The following ARHGEF9 variants were observed in gnomAD, a reference collection of about 807,000 sequenced individuals.
The protein encoded by ARHGEF9 is rho guanine nucleotide exchange factor 9.
Under a neutral mutation model 41.3 loss-of-function variants are expected in ARHGEF9, and 2 were observed. That is an observed-to-expected ratio of 0.05 (90% CI 0.02 to 0.15). The LOEUF (loss-of-function observed/expected upper bound fraction) is 0.15, where lower values mean the gene tolerates loss of function less well. Ranked by LOEUF, ARHGEF9 falls within the 10% of genes least tolerant of loss-of-function variation. The pLI is 1.00. For synonymous variants in ARHGEF9, 160 were observed against 154.4 expected (o/e 1.04, Z -0.27); for missense variants, 225 against 424.7 (o/e 0.53, Z 4.13).
At chrX:63,654,693 A>T (rs2048772623) in intron 8 of ARHGEF9, among the ~76,000 whole-genome samples, 1 of 111,873 alleles carries the variant, frequency 8.9e-6, no homozygotes, top group African/African-American at 3.2e-5. Flanking sequence ...TTGAGCTTTC[A>T]GGCCTTCTAA....
At chrX:63,710,371 T>C (rs1408010065) in intron 2 of ARHGEF9, among the ~76,000 whole-genome samples, 1 of 74,946 alleles carries the variant, frequency 1.3e-5, no homozygotes, top group Non-Finnish European at 2.5e-5. Context: ...ATTTAAAAAA[T>C]AACTAACATC....
chrX:63,725,022 T>C, intron 1 of ARHGEF9: 1 of 286,348 alleles, frequency 3.5e-6, no homozygotes, highest in South Asian at 6.5e-5. Flanking sequence ...CTCTCCTTGG[T>C]GCTTCAAGGC....
intron 1 of ARHGEF9, among the ~76,000 whole-genome samples, chrX:63,738,872 G>A (rs2054774624): frequency 9.0e-6 from 1 of 111,027 alleles, no homozygotes; most frequent in South Asian, 3.8e-4. Context: ...CCTCTTCTGG[G>A]CTCAGAATAG....
chrX:63,783,754 C>T (rs2056418879), intron 1 of ARHGEF9, among the ~76,000 whole-genome samples: 1 of 111,781 alleles, frequency 8.9e-6, no homozygotes, highest in African/African-American at 3.3e-5. Context: ...GCAAGTCTCT[C>T]CCACTCTCTG....
intron 2 of ARHGEF9, among the ~76,000 whole-genome samples, chrX:63,715,491 T>G (rs2053235359): frequency 9.0e-6 from 1 of 111,550 alleles, no homozygotes; most frequent in African/African-American, 3.3e-5. Context: ...AACACTGGCT[T>G]TGGAGTTGGA....
intron 8 of ARHGEF9, among the ~76,000 whole-genome samples, chrX:63,648,031 A>G (rs1361630799): frequency 1.8e-5 from 2 of 111,741 alleles, no homozygotes; most frequent in African/African-American, 3.3e-5. Context: ...ACTCTGCAGG[A>G]TAGTATCCAG....
chrX:63,725,641 G>C (rs1344086086), intron 1 of ARHGEF9: 1 of 111,017 alleles, frequency 9.0e-6, no homozygotes, highest in Non-Finnish European at 1.9e-5. Context: ...GGATGGGGTG[G>C]GGGTGGGGAG....
At chrX:63,723,875 AGGCAGAAG>A (rs1368978345) in intron 2 of ARHGEF9, among the ~76,000 whole-genome samples, 4 of 112,456 alleles carry the variant, frequency 3.6e-5, no homozygotes, top group Non-Finnish European at 7.5e-5. Flanking sequence ...AATGTCAAAG[AGGCAGAAG>A]GCTTGCAAGA....
chrX:63,670,270 A>G (rs1320704399), intron 6 of ARHGEF9: 1 of 111,723 alleles, frequency 9.0e-6, no homozygotes, highest in Non-Finnish European at 1.9e-5. Flanking sequence ...ATCTAGCCCT[A>G]CATTTGATCT....
chrX:63,749,165 G>T (rs1317013581), intron 1 of ARHGEF9, among the ~76,000 whole-genome samples: 1 of 112,468 alleles, frequency 8.9e-6, no homozygotes, highest in Non-Finnish European at 1.9e-5. Flanking sequence ...TTAAAAATGT[G>T]AGTAGCTGAG....
At chrX:63,767,113 C>T in intron 1 of ARHGEF9, 3 of 963,094 alleles carry the variant, frequency 3.1e-6, no homozygotes, top group African/African-American at 1.9e-5. Flanking sequence ...GCAGTGAACA[C>T]TTTCACCATT....
At position 63,785,107 on chromosome X, in the gene ARHGEF9, T is replaced by C; in HGVS notation, c.30+9A>G. 4 of 1,165,191 alleles carry C rather than the reference T, an allele frequency of 3.4e-6. No homozygotes were observed. The highest frequency in any genetic ancestry group is 4.6e-6 in the Non-Finnish European group (4 of 871,955). On this transcript the variant is annotated intron_variant, in intron 1 of 9. Coordinates refer to ENST00000671741, the MANE Select transcript of ARHGEF9 (RefSeq NM_001353921.2). ...TCAAGCAAGGGAAGCCAAGGTTACA[T>C]GCACTCACCATTCCCGATCCGCCCC... is the stretch of plus-strand genomic sequence containing the variant.
At chrX:63,711,492 A>T in intron 2 of ARHGEF9, among the ~76,000 whole-genome samples, 1 of 112,113 alleles carries the variant, frequency 8.9e-6, no homozygotes, top group Non-Finnish European at 1.9e-5. Flanking sequence ...GGAGTCCAGA[A>T]ATATATCCTA....
At position 63,731,130 on chromosome X, in the gene ARHGEF9, C is replaced by T. The variant is rs1234172367; in HGVS notation, c.31-6419G>A. Among the ~76,000 whole-genome samples, 3 of 112,004 alleles carry T rather than the reference C, an allele frequency of 2.7e-5. No individual in the cohort carries two copies. In the East Asian group the frequency reaches 8.5e-4, roughly 32 times the overall value. On this transcript the variant is annotated intron_variant, in intron 1 of 9. Coordinates refer to ENST00000671741, the MANE Select transcript of ARHGEF9 (RefSeq NM_001353921.2). ...ATGAAGGTAGATGAGCTGGACCTGCCTTCCAAGAAGCTCCGTAGGAGGAAA... is the reference window on the plus strand; with the variant it reads ...ATGAAGGTAGATGAGCTGGACCTGCTTTCCAAGAAGCTCCGTAGGAGGAAA...
intron 1 of ARHGEF9, among the ~76,000 whole-genome samples, chrX:63,779,758 G>A (rs782626513): frequency 2.4e-4 from 27 of 111,934 alleles, no homozygotes; most frequent in African/African-American, 7.8e-4. Flanking sequence ...ACAGTCCAAA[G>A]CTGACTACAA....
intron 1 of ARHGEF9, among the ~76,000 whole-genome samples, chrX:63,778,672 C>T (rs1556460333): frequency 8.9e-6 from 1 of 112,238 alleles, no homozygotes; most frequent in East Asian, 2.8e-4. Flanking sequence ...TTAAGGGCAC[C>T]CAAGTCATCT....
At chrX:63,680,630 G>A (rs1281143461) in intron 4 of ARHGEF9, among the ~76,000 whole-genome samples, 1 of 112,394 alleles carries the variant, frequency 8.9e-6, no homozygotes, top group African/African-American at 3.2e-5. Flanking sequence ...GGCCCCAGTA[G>A]GCCTCTCTGT....
At chrX:63,730,598 C>T (rs1556419534) in intron 1 of ARHGEF9, among the ~76,000 whole-genome samples, 1 of 111,926 alleles carries the variant, frequency 8.9e-6, no homozygotes, top group African/African-American at 3.3e-5. Flanking sequence ...TGAGAACCTG[C>T]ATTTCAAATA....
At chrX:63,726,458 C>A in intron 1 of ARHGEF9, among the ~76,000 whole-genome samples, 1 of 111,693 alleles carries the variant, frequency 9.0e-6, no homozygotes, top group South Asian at 3.8e-4. Flanking sequence ...GGTGTCTCGG[C>A]CTCCCAAGTA....
Sources: allele counts gnomAD v4.1 joint callset (sites outside exome capture counted in the v4.1 genomes callset), GRCh38; gene constraint gnomAD v4.1.1; transcripts MANE v1.5; gene names NCBI Gene and HGNC (gene_info 2026-07-23, HGNC 2026-07-21).